Variants in ST6GALNAC3 observed in about 807,000 individuals in gnomAD.
ST6GALNAC3 encodes the protein alpha-N-acetylgalactosaminide alpha-2,6-sialyltransferase 3.
In ST6GALNAC3, 25 loss-of-function variants were observed where a neutral mutation model predicts 32.7. That is an observed-to-expected ratio of 0.76 (90% CI 0.56 to 1.07). ST6GALNAC3 has a LOEUF of 1.07. ST6GALNAC3 is among the 50% of genes least tolerant of loss of function. ST6GALNAC3 has a pLI of 0.00. For synonymous variants in ST6GALNAC3, 129 were observed against 133.1 expected, an observed-to-expected ratio of 0.97 and a Z score of 0.21; for missense variants, 355 against 382.4, an observed-to-expected ratio of 0.93 and a Z score of 0.60.
intron 3 of ST6GALNAC3, among the ~76,000 whole-genome samples, chr1:76,521,156 A>G (rs1050648626): frequency 1.3e-5 from 2 of 152,092 alleles, no homozygotes; most frequent in Admixed American, 6.6e-5. Context: ...CTTCCACAAT[A>G]AGGATACAAC....
At chr1:76,281,031 T>C (rs1453510975) in intron 1 of ST6GALNAC3, among the ~76,000 whole-genome samples, 1 of 152,206 alleles carries the variant, frequency 6.6e-6, no homozygotes, top group East Asian at 1.9e-4. Flanking sequence ...TCATAGTCTT[T>C]TGAGTACTTA....
At chr1:76,576,726 C>G in intron 3 of ST6GALNAC3, 1 of 750,856 alleles carries the variant, frequency 1.3e-6, no homozygotes, top group South Asian at 1.6e-5. Context: ...CTCTGGGGAG[C>G]CTGATTAATC....
At chr1:76,602,827 A>G (rs926950079) in intron 3 of ST6GALNAC3, among the ~76,000 whole-genome samples, 1 of 152,102 alleles carries the variant, frequency 6.6e-6, no homozygotes, top group Non-Finnish European at 1.5e-5. Flanking sequence ...AGTAGGAGGA[A>G]ATAATTATAA....
chr1:76,574,419 A>G (rs1002517749), intron 3 of ST6GALNAC3, among the ~76,000 whole-genome samples: 1 of 151,942 alleles, frequency 6.6e-6, no homozygotes, highest in Non-Finnish European at 1.5e-5. Flanking sequence ...TACCTTCTCT[A>G]TTTCTATTAT....
At chr1:76,618,993 A>G (rs1473602094) in intron 3 of ST6GALNAC3, among the ~76,000 whole-genome samples, 2 of 152,174 alleles carry the variant, frequency 1.3e-5, no homozygotes, top group African/African-American at 4.8e-5. Context: ...AGCTTGAATA[A>G]TCTGAAACTA....
At chr1:76,112,645 C>A (rs1648120848) in intron 1 of ST6GALNAC3, among the ~76,000 whole-genome samples, 1 of 149,430 alleles carries the variant, frequency 6.7e-6, no homozygotes. Context: ...GGCGGAGGGG[C>A]TCCTCACTTC....
At chr1:76,111,915 GC>G (rs1647980945) in intron 1 of ST6GALNAC3, among the ~76,000 whole-genome samples, 1 of 151,994 alleles carries the variant, frequency 6.6e-6, no homozygotes, top group East Asian at 1.9e-4. Context: ...CCACAAAACC[GC>G]CGTTGTCATC....
chr1:76,090,969 G>A (rs1280566364), intron 1 of ST6GALNAC3, among the ~76,000 whole-genome samples: 1 of 152,210 alleles, frequency 6.6e-6, no homozygotes, highest in Non-Finnish European at 1.5e-5. Flanking sequence ...ATTGCCCTTT[G>A]TACTTGGAAA....
At chr1:76,465,697 T>C (rs1023568916) in intron 3 of ST6GALNAC3, among the ~76,000 whole-genome samples, 1 of 152,036 alleles carries the variant, frequency 6.6e-6, no homozygotes, top group African/African-American at 2.4e-5. Context: ...AAGAATGGGA[T>C]AGTATTTTTC....
At chr1:76,524,953 A>AT (rs1478019299) in intron 3 of ST6GALNAC3, among the ~76,000 whole-genome samples, 1 of 152,046 alleles carries the variant, frequency 6.6e-6, no homozygotes, top group African/African-American at 2.4e-5. Flanking sequence ...AAAGAAAAAA[A>AT]TCCCACATGA....
At chr1:76,122,164 C>G (rs547800819) in intron 1 of ST6GALNAC3, among the ~76,000 whole-genome samples, 40 of 152,250 alleles carry the variant, frequency 2.6e-4, no homozygotes, top group African/African-American at 9.4e-4. Context: ...TCCATGAGGG[C>G]AGATAATTTG....
At chr1:76,441,264 T>C (rs1233646506) in intron 3 of ST6GALNAC3, among the ~76,000 whole-genome samples, 1 of 152,128 alleles carries the variant, frequency 6.6e-6, no homozygotes, top group East Asian at 1.9e-4. Context: ...AAGCATATAT[T>C]ATATTACTTA....
intron 3 of ST6GALNAC3, among the ~76,000 whole-genome samples, chr1:76,481,491 C>T (rs1388881998): frequency 1.3e-5 from 2 of 152,074 alleles, no homozygotes; most frequent in African/African-American, 4.8e-5. Context: ...CATTTTTAGA[C>T]TTCTATATTT....
intron 2 of ST6GALNAC3, among the ~76,000 whole-genome samples, chr1:76,390,345 C>G (rs1009053681): frequency 5.9e-5 from 9 of 152,168 alleles, no homozygotes; most frequent in Admixed American, 4.6e-4. Context: ...TGAATTTAAT[C>G]TGAGCCAGTA....
At position 76,475,507 on chromosome 1, in the gene ST6GALNAC3, T is replaced by C. The variant is rs1571347404; in HGVS notation, c.623+63090T>C. Among the ~76,000 whole-genome samples the C allele has an allele frequency of 2.0e-5, 3 of 152,300 alleles. No individual in the cohort carries two copies. The South Asian group carries it at 6.2e-4, about 32-fold the overall frequency. Reference sequence around the variant, plus strand: ...TTGGGACTTTCACATATTTGGCTTATCATTGAGACTATTTTCCAGGAATGT... The same window carrying C: ...TTGGGACTTTCACATATTTGGCTTACCATTGAGACTATTTTCCAGGAATGT... On this transcript the variant is annotated intron_variant, in intron 3 of 4. Transcript: ENST00000328299.
At position 76,609,480 on chromosome 1, in the gene ST6GALNAC3, T is replaced by C. The variant is rs1382254338; in HGVS notation, c.624-17972T>C. Among the ~76,000 whole-genome samples, 5 of 152,340 alleles carry C rather than the reference T, an allele frequency of 3.3e-5. No homozygotes were observed. In the South Asian group the frequency reaches 1.0e-3, roughly 32 times the overall value. On this transcript the variant is annotated intron_variant, in intron 3 of 4. Coordinates refer to ENST00000328299, the MANE Select transcript of ST6GALNAC3 (RefSeq NM_152996.4). Reference sequence around the variant, plus strand: ...GGATATTGCATTTTGTCAAATTCTTTTTGGTATCTGTCAAAGAAATGATAA... The same window carrying C: ...GGATATTGCATTTTGTCAAATTCTTCTTGGTATCTGTCAAAGAAATGATAA...
intron 1 of ST6GALNAC3, among the ~76,000 whole-genome samples, chr1:76,111,545 G>C (rs1447408898): frequency 1.3e-5 from 2 of 150,758 alleles, no homozygotes; most frequent in Non-Finnish European, 3.0e-5. Context: ...ATAAACAAGT[G>C]AACAAAGGTC....
At chr1:76,206,584 C>T (rs1014999246) in intron 1 of ST6GALNAC3, among the ~76,000 whole-genome samples, 27 of 152,106 alleles carry the variant, frequency 1.8e-4, no homozygotes, top group African/African-American at 2.9e-4. Flanking sequence ...CAAAATTAGC[C>T]AGGCATGGTG....
At chr1:76,085,768 A>G (rs1646956972) in intron 1 of ST6GALNAC3, among the ~76,000 whole-genome samples, 1 of 152,212 alleles carries the variant, frequency 6.6e-6, no homozygotes, top group Admixed American at 6.5e-5. Flanking sequence ...CTACCATATG[A>G]CATCCAGCTC....
Sources: gnomAD v4.1 joint callset for allele counts (sites outside exome capture counted in the v4.1 genomes callset) on GRCh38, gnomAD v4.1.1 for gene constraint, MANE v1.5 for transcripts, NCBI Gene and HGNC (gene_info 2026-07-23, HGNC 2026-07-21) for gene names.